PLD5: variants seen among roughly 807,000 people sequenced by gnomAD.
PLD5 encodes the protein phospholipase D family member 5.
PLD5 carries 36 observed loss-of-function variants against 61.1 expected under a neutral mutation model. The observed-to-expected ratio is 0.59, with a 90% CI of 0.45 to 0.78. The LOEUF is 0.78. Among genes scored for constraint, PLD5 ranks in the 30% least tolerant of loss-of-function variants. The pLI, the probability that PLD5 is intolerant of heterozygous loss-of-function variation, is 0.00. For missense variants in PLD5, 515 were observed against 644.4 expected (o/e 0.80, Z 2.17); for synonymous variants, 243 against 242.8 (o/e 1.00, Z -0.01).
At chr1:242,347,947 A>G in intron 2 of PLD5, 159 bp downstream of exon 2, 1 of 743,402 alleles carries the variant, frequency 1.3e-6, no homozygotes, top group East Asian at 2.7e-5. Flanking sequence ...TACTTGCCCT[A>G]AAAGTAAGAG....
chr1:242,462,476 G>C lies in PLD5; in HGVS notation c.189+61612C>G, dbSNP rs866529584. Among the ~76,000 whole-genome samples the C allele has an allele frequency of 2.6e-5, 4 of 152,070 alleles. No homozygotes were observed. The South Asian group carries it at 8.3e-4, about 31-fold the overall frequency. On this transcript the variant is annotated intron_variant, in intron 1 of 9. Coordinates refer to ENST00000536534, the MANE Select transcript of PLD5 (RefSeq NM_001372062.1). ...AGCCACTGGGGACTGCTAGAGTGGG[G>C]AGGGAGGAACGGGCGTGGGTTGAAA...
intron 2 of PLD5, among the ~76,000 whole-genome samples, chr1:242,323,066 A>C (rs781521044): frequency 7.2e-5 from 11 of 152,194 alleles, no homozygotes; most frequent in Non-Finnish European, 1.5e-4. Flanking sequence ...ATGAACAAAA[A>C]TATGTACTAA....
At chr1:242,300,725 G>A (rs1267113520) in intron 2 of PLD5, among the ~76,000 whole-genome samples, 2 of 151,532 alleles carry the variant, frequency 1.3e-5, no homozygotes, top group Admixed American at 6.6e-5. Context: ...GATGACCCCT[G>A]ATGTTTGTCA....
intron 5 of PLD5, among the ~76,000 whole-genome samples, chr1:242,216,657 A>G (rs1257133383): frequency 6.6e-6 from 1 of 152,214 alleles, no homozygotes; most frequent in African/African-American, 2.4e-5. Context: ...GACTCTTTAC[A>G]GCACCTTCTT....
At chr1:242,410,411 AT>A (rs35726840) in intron 1 of PLD5, among the ~76,000 whole-genome samples, 100,550 of 151,226 alleles carry the variant, frequency 0.66, 33,932 homozygotes, top group African/African-American at 0.78. Context: ...ATATAATGCC[AT>A]TTTTTTTTTC....
At chr1:242,390,444 A>T (rs1662862986) in intron 1 of PLD5, among the ~76,000 whole-genome samples, 1 of 152,212 alleles carries the variant, frequency 6.6e-6, no homozygotes, top group Admixed American at 6.5e-5. Flanking sequence ...TCTTAGATTC[A>T]ACCTTTACAT....
intron 2 of PLD5, among the ~76,000 whole-genome samples, chr1:242,322,793 CT>C (rs1414976338): frequency 1.3e-5 from 2 of 152,354 alleles, no homozygotes; most frequent in Non-Finnish European, 2.9e-5. Context: ...TTCCTGAGGT[CT>C]CCCCAGCCAT....
intron 7 of PLD5, among the ~76,000 whole-genome samples, chr1:242,109,320 A>C (rs924470201): frequency 6.6e-6 from 1 of 152,216 alleles, no homozygotes; most frequent in Non-Finnish European, 1.5e-5. Flanking sequence ...TCTAATAAAA[A>C]TACAAAAATT....
chr1:242,274,520 C>T (rs316909), intron 3 of PLD5, among the ~76,000 whole-genome samples: 85,740 of 151,980 alleles, frequency 0.56, 24,326 homozygotes, highest in African/African-American at 0.61. Context: ...TTTGGGAGGC[C>T]GAGGCGGGTG....
At chr1:242,341,346 T>C (rs1276521191) in intron 2 of PLD5, among the ~76,000 whole-genome samples, 2 of 152,178 alleles carry the variant, frequency 1.3e-5, no homozygotes, top group Non-Finnish European at 2.9e-5. Flanking sequence ...TAGTGTCTTC[T>C]AGGAATGTCA....
chr1:242,179,120 T>C (rs982455799), intron 5 of PLD5, among the ~76,000 whole-genome samples: 4 of 152,210 alleles, frequency 2.6e-5, no homozygotes, highest in African/African-American at 9.6e-5. Flanking sequence ...TGGGAGGTGA[T>C]AGAGTGGCAT....
chr1:242,384,365 C>A (rs576992830), intron 1 of PLD5, among the ~76,000 whole-genome samples: 16 of 152,348 alleles, frequency 1.1e-4, no homozygotes, highest in Non-Finnish European at 2.1e-4. Context: ...AGCTTTTCCA[C>A]TTCCTGAGTT....
intron 2 of PLD5, among the ~76,000 whole-genome samples, chr1:242,320,869 C>G (rs1232618771): frequency 6.6e-6 from 1 of 151,910 alleles, no homozygotes; most frequent in African/African-American, 2.4e-5. Flanking sequence ...TTAAAGCTCT[C>G]CAAGTGATTC....
At chr1:242,170,837 C>T (rs981681994) in intron 5 of PLD5, among the ~76,000 whole-genome samples, 9 of 148,990 alleles carry the variant, frequency 6.0e-5, no homozygotes, top group South Asian at 2.1e-4. Flanking sequence ...TGAAATAAAG[C>T]GAGAAAAAAG....
At chr1:242,298,721 T>G (rs1007268432) in intron 2 of PLD5, among the ~76,000 whole-genome samples, 2 of 152,172 alleles carry the variant, frequency 1.3e-5, no homozygotes, top group African/African-American at 4.8e-5. Context: ...TCTTACCTTA[T>G]TCTAGCAAGG....
At chr1:242,093,968 A>G (rs1660035573) in intron 9 of PLD5, among the ~76,000 whole-genome samples, 2 of 147,626 alleles carry the variant, frequency 1.4e-5, no homozygotes, top group South Asian at 4.5e-4. Context: ...CATCTCAGGA[A>G]TCATGGCTCT....
intron 4 of PLD5, among the ~76,000 whole-genome samples, chr1:242,232,031 C>T (rs754060555): frequency 8.6e-5 from 13 of 150,852 alleles, no homozygotes; most frequent in East Asian, 1.9e-4. Flanking sequence ...AATCTAATTG[C>T]GGTAGTTCTA....
chr1:242,524,372 C>T lies in PLD5; in HGVS notation c.-96G>A, dbSNP rs933196788. On this transcript the variant is annotated 5_prime_UTR_variant, in exon 1 of 10. Coordinates refer to ENST00000536534, the MANE Select transcript of PLD5 (RefSeq NM_001372062.1). ...GGCGAGCGGGAGGCCCAGCGGGAGC[C>T]GGAGGTGGAGCTGGAGACTGAGCTG... The T allele has an allele frequency of 6.6e-6, 8 of 1,203,624 alleles. No individual in the cohort carries two copies. The highest frequency in any genetic ancestry group is 8.6e-6 in the Non-Finnish European group (8 of 931,184). The allele number at this position is 1,203,624 out of a possible 1,614,324, so 74.6% of individuals were successfully genotyped here. A position where few individuals can be genotyped will look rare whatever the true frequency, so the allele number is the denominator to read the frequency against.
At chr1:242,351,715 C>CA in intron 1 of PLD5, among the ~76,000 whole-genome samples, 1 of 152,206 alleles carries the variant, frequency 6.6e-6, no homozygotes, top group Non-Finnish European at 1.5e-5. Flanking sequence ...TGCAGAGACA[C>CA]AAAAAATGTT....
Sources: allele counts gnomAD v4.1 joint callset (sites outside exome capture counted in the v4.1 genomes callset), GRCh38; gene constraint gnomAD v4.1.1; transcripts MANE v1.5; gene names NCBI Gene and HGNC (gene_info 2026-07-23, HGNC 2026-07-21).